Variants in POLH observed in about 807,000 individuals in gnomAD.
POLH encodes the protein DNA polymerase eta, also known as DNA polymerase eta transcript.
A neutral mutation model predicts 73.6 loss-of-function variants in POLH; 53 were observed. The ratio of observed to expected loss-of-function variants is 0.72; its 90% CI spans 0.58 to 0.91. POLH has a LOEUF of 0.91. Among genes scored for constraint, POLH ranks in the 40% least tolerant of loss-of-function variants. The pLI, the probability that POLH is intolerant of heterozygous loss-of-function variation, is 0.00. For missense variants in POLH, 768 were observed against 865.4 expected, an observed-to-expected ratio of 0.89 and a Z score of 1.41; for synonymous variants, 292 against 308.5, an observed-to-expected ratio of 0.95 and a Z score of 0.56.
intron 3 of POLH, among the ~76,000 whole-genome samples, chr6:43,585,680 T>C (rs1345664168): frequency 1.3e-5 from 2 of 149,578 alleles, no homozygotes; most frequent in Non-Finnish European, 3.0e-5. Flanking sequence ...AGTTTCACTC[T>C]TGTTGCCCAG....
intron 1 of POLH, among the ~76,000 whole-genome samples, chr6:43,581,022 T>G (rs1279322372): frequency 4.8e-5 from 6 of 124,864 alleles, no homozygotes; most frequent in African/African-American, 9.7e-5. Context: ...CCGGACGGGG[T>G]GGCTGCCGGG....
intron 4 of POLH, among the ~76,000 whole-genome samples, chr6:43,596,684 C>G (rs939582216): frequency 6.6e-6 from 1 of 152,086 alleles, no homozygotes; most frequent in Non-Finnish European, 1.5e-5. Flanking sequence ...AGAAGGAAGA[C>G]AAAGTTTGAT....
chr6:43,599,116 G>A (rs1406324630), intron 5 of POLH, among the ~76,000 whole-genome samples: 1 of 151,010 alleles, frequency 6.6e-6, no homozygotes, highest in Non-Finnish European at 1.5e-5. Context: ...AGCCTCCCGA[G>A]TAGCTGGGAT....
chr6:43,620,266 A>G lies in POLH; in HGVS notation c.*5709A>G, dbSNP rs1184809833. 2 of 517,280 alleles carry G rather than the reference A, an allele frequency of 3.9e-6. No individual in the cohort carries two copies. The highest frequency in any genetic ancestry group is 7.7e-6 in the Non-Finnish European group (2 of 259,598). 32.0% of individuals were successfully genotyped at this position (517,280 alleles called of 1,614,324 possible). On this transcript the variant is annotated 3_prime_UTR_variant, in exon 11 of 11. Transcript: ENST00000372236. ...CTACCTATTTCACGTGAAAGGCCTC[A>G]GTATTCTGCTCACTTGAACTACGGA...
At chr6:43,613,627 G>A in intron 10 of POLH, 33 bp from the exon 11 acceptor site, 4 of 1,545,970 alleles carry the variant, frequency 2.6e-6, no homozygotes, top group Non-Finnish European at 3.6e-6. Context: ...CTTCTAAATT[G>A]CTAATCATCT....
At position 43,613,953 on chromosome 6, in the gene POLH, C is replaced by T. The variant is rs750256246; in HGVS notation, c.1538C>T (p.Pro513Leu). 6.2e-7 allele frequency: 1 copy of T among 1,614,032 alleles called. No individual in the cohort carries two copies. The highest frequency in any genetic ancestry group is 1.1e-5 in the South Asian group (1 of 91,090). ...APTQAPMSNS[P>L]SKPSLPFQTS... is the part of the protein sequence containing the mutation. ...ACTCAGGCTCCCATGAGCAATTCAC[C>T]ATCCAAGCCCTCATTACCTTTTCAA... The change falls in exon 11 of 11, where the codon CCA becomes CTA. Residue 513 changes from proline (P) to leucine (L), a missense_variant. By Grantham distance (98) the Pro-to-Leu change is moderately conservative. Transcript: ENST00000372236.
chr6:43,580,959 T>A (rs1194391466), intron 1 of POLH, among the ~76,000 whole-genome samples: 67 of 125,592 alleles, frequency 5.3e-4, no homozygotes, highest in African/African-American at 1.3e-3. Context: ...CCCACCTCCC[T>A]CCCGGATGGG....
At chr6:43,579,418 T>C (rs1763761464) in intron 1 of POLH, among the ~76,000 whole-genome samples, 1 of 152,136 alleles carries the variant, frequency 6.6e-6, no homozygotes, top group Non-Finnish European at 1.5e-5. Flanking sequence ...TCCAATGAAG[T>C]TTCCATAAAA....
intron 10 of POLH, among the ~76,000 whole-genome samples, chr6:43,611,528 G>T (rs1172346227): frequency 6.6e-6 from 1 of 151,950 alleles, no homozygotes; most frequent in African/African-American, 2.4e-5. Context: ...ATGATTTTCA[G>T]GATTGGAATC....
At chr6:43,597,972 G>C in intron 5 of POLH, 107 bp downstream of exon 5, 1 of 959,132 alleles carries the variant, frequency 1.0e-6, no homozygotes. Context: ...GTGCAGTTTC[G>C]CACGCCTATG....
chr6:43,600,986 A>C lies in POLH; in HGVS notation c.661-2A>C, dbSNP rs1260938579. The C allele has an allele frequency of 6.2e-7, 1 of 1,610,572 alleles. No individual in the cohort carries two copies. The highest frequency in any genetic ancestry group is 8.5e-7 in the Non-Finnish European group (1 of 1,176,728). On this transcript the variant is annotated splice_acceptor_variant, in intron 5 of 10. Coordinates refer to ENST00000372236, the MANE Select transcript of POLH (RefSeq NM_006502.3). LOFTEE classifies it high-confidence loss of function. ...AGGTTTTTATACTTTGCATGCTTCC[A>C]GGTCCTGGCAAAACTGGCCTGTGGA...
intron 4 of POLH, among the ~76,000 whole-genome samples, chr6:43,595,112 C>T (rs1055436637): frequency 6.6e-6 from 1 of 151,722 alleles, no homozygotes; most frequent in African/African-American, 2.4e-5. Flanking sequence ...AGGAGGATCG[C>T]TTGAGCTCAG....
Position 43,613,680 on chromosome 6 carries a change from T to C in POLH, c.1265T>C (p.Leu422Pro). ...QTEWSPPLTM[L>P]FLCATKFSAS... Reference sequence around the variant, plus strand: ...TATAGGTCTCCTCCTCTCACAATGCTTTTCCTCTGTGCTACAAAATTTTCT... The same window carrying C: ...TATAGGTCTCCTCCTCTCACAATGCCTTTCCTCTGTGCTACAAAATTTTCT... The change falls in exon 11 of 11, where the codon CTT (leucine) becomes CCT (proline). Residue 422 changes from leucine to proline, a missense_variant. Coordinates refer to ENST00000372236, the MANE Select transcript of POLH (RefSeq NM_006502.3). 1 of 1,613,828 alleles carries C rather than the reference T, an allele frequency of 6.2e-7. No homozygotes were observed. Among genetic ancestry groups the C allele is most frequent in the Non-Finnish European group, 8.5e-7 (1 of 1,179,788 alleles).
intron 6 of POLH, among the ~76,000 whole-genome samples, chr6:43,602,334 A>T (rs564463930): frequency 6.6e-6 from 1 of 152,362 alleles, no homozygotes; most frequent in Non-Finnish European, 1.5e-5. Context: ...GTAAAAAGCA[A>T]TAGTAAAAGT....
intron 6 of POLH, 32 bp from the exon 7 acceptor site, chr6:43,603,860 A>C: frequency 6.2e-7 from 1 of 1,610,950 alleles, no homozygotes. Flanking sequence ...TTATGATGTG[A>C]CCTATCAATT....
chr6:43,608,722 A>T (rs1767564632), intron 9 of POLH, among the ~76,000 whole-genome samples: 1 of 152,130 alleles, frequency 6.6e-6, no homozygotes, highest in Non-Finnish European at 1.5e-5. Flanking sequence ...TCCAGTGGGG[A>T]TCCCTGAAAA....
chr6:43,603,018 T>TG (rs1766903086), intron 6 of POLH, among the ~76,000 whole-genome samples: 2 of 140,778 alleles, frequency 1.4e-5, no homozygotes, highest in African/African-American at 5.6e-5. Flanking sequence ...TTTTTTTTTT[T>TG]GAAACAGAGT....
intron 9 of POLH, 134 bp downstream of exon 9, chr6:43,605,453 T>TC: frequency 1.7e-6 from 1 of 605,608 alleles, no homozygotes; most frequent in East Asian, 2.9e-5. Flanking sequence ...CTTTTTTTTT[T>TC]TTTTTTTTTT....
Position 43,616,015 on chromosome 6 carries a change from G to A in POLH, c.*1458G>A, listed in dbSNP as rs1430473906. Among the ~76,000 whole-genome samples the A allele has an allele frequency of 5.9e-5, 9 of 152,080 alleles. No individual in the cohort carries two copies. The highest frequency in any genetic ancestry group is 4.1e-4 in the South Asian group (2 of 4,830). On this transcript the variant is annotated 3_prime_UTR_variant, in exon 11 of 11. Coordinates refer to ENST00000372236, the MANE Select transcript of POLH (RefSeq NM_006502.3). ...TAAGAAAAACTTCTCTTGGCCGGGC[G>A]CAGTGGCTCACGCCTGCAATCCCAG...
Sources: gnomAD v4.1 joint callset for allele counts (sites outside exome capture counted in the v4.1 genomes callset) on GRCh38, gnomAD v4.1.1 for gene constraint, MANE v1.5 for transcripts, NCBI Gene and HGNC (gene_info 2026-07-23, HGNC 2026-07-21) for gene names.